The following CLVS1 variants were observed in gnomAD, a reference collection of about 807,000 sequenced individuals.
CLVS1 encodes the protein clavesin-1.
CLVS1 carries 10 observed loss-of-function variants against 33.1 expected under a neutral mutation model. The observed-to-expected ratio is 0.30, with a 90% CI of 0.19 to 0.51. The LOEUF is 0.51. Among genes scored for constraint, CLVS1 ranks in the 20% least tolerant of loss-of-function variants. The pLI is 0.97. For synonymous variants in CLVS1, 163 were observed against 166.1 expected (o/e 0.98, Z 0.14); for missense variants, 343 against 433.4 (o/e 0.79, Z 1.85).
chr8:61,267,952 T>C (rs1055871467), intron 2 of CLVS1, among the ~76,000 whole-genome samples: 1 of 152,122 alleles, frequency 6.6e-6, no homozygotes, highest in African/African-American at 2.4e-5. Flanking sequence ...GATGGATCGA[T>C]CAGAGGAGGA....
intron 3 of CLVS1, among the ~76,000 whole-genome samples, chr8:61,413,686 C>G (rs1026895409): frequency 1.3e-5 from 2 of 152,134 alleles, no homozygotes; most frequent in African/African-American, 4.8e-5. Flanking sequence ...GCTTCAATTC[C>G]TTGTATGGCT....
At chr8:61,464,342 C>T (rs928472679) in intron 5 of CLVS1, among the ~76,000 whole-genome samples, 6 of 152,120 alleles carry the variant, frequency 3.9e-5, no homozygotes, top group Non-Finnish European at 5.9e-5. Flanking sequence ...AAAACCCATC[C>T]GTGGTACACT....
intron 3 of CLVS1, among the ~76,000 whole-genome samples, chr8:61,435,625 T>TAAAA (rs35113828): frequency 7.4e-6 from 1 of 135,040 alleles, no homozygotes; most frequent in Non-Finnish European, 1.6e-5. Context: ...ATTGTGATAG[T>TAAAA]AAAAAAAAAA....
intron 2 of CLVS1, among the ~76,000 whole-genome samples, chr8:61,169,018 A>G (rs1047400119): frequency 6.6e-6 from 1 of 152,248 alleles, no homozygotes; most frequent in African/African-American, 2.4e-5. Context: ...AGCCTTGACG[A>G]AAGTCCTACT....
At chr8:61,092,699 C>G (rs780944680) in intron 1 of CLVS1, among the ~76,000 whole-genome samples, 7 of 152,180 alleles carry the variant, frequency 4.6e-5, no homozygotes, top group Admixed American at 2.0e-4. Context: ...CTTCTGACTC[C>G]TCTTCTACAT....
intron 3 of CLVS1, among the ~76,000 whole-genome samples, chr8:61,416,063 A>C (rs1815417963): frequency 6.6e-6 from 1 of 152,164 alleles, no homozygotes; most frequent in Non-Finnish European, 1.5e-5. Flanking sequence ...CTTGGACTAG[A>C]GCTAAGAGGA....
chr8:61,402,818 C>T (rs1814821772), intron 3 of CLVS1, among the ~76,000 whole-genome samples: 1 of 152,158 alleles, frequency 6.6e-6, no homozygotes, highest in African/African-American at 2.4e-5. Context: ...TCTATCCTAG[C>T]AGTGCTGTGA....
At chr8:61,228,026 A>G (rs1808364838) in intron 2 of CLVS1, among the ~76,000 whole-genome samples, 1 of 152,186 alleles carries the variant, frequency 6.6e-6, no homozygotes, top group East Asian at 1.9e-4. Flanking sequence ...GTGCCCTTAG[A>G]AAGTGGAGTC....
At chr8:61,036,900 A>C in the CLVS1 span, among the ~76,000 whole-genome samples, 2 of 152,224 alleles carry the variant, frequency 1.3e-5, no homozygotes, top group Non-Finnish European at 2.9e-5. Context: ...CCAGCCATCC[A>C]TTCGAGGAGT....
chr8:61,237,922 T>C (rs568872448), intron 2 of CLVS1, among the ~76,000 whole-genome samples: 1 of 152,222 alleles, frequency 6.6e-6, no homozygotes, highest in Admixed American at 6.5e-5. Context: ...ATCCAGGTGC[T>C]CCCATAAGAG....
intron 5 of CLVS1, among the ~76,000 whole-genome samples, chr8:61,484,675 G>A (rs1478482244): frequency 3.0e-4 from 46 of 152,102 alleles, no homozygotes; most frequent in South Asian, 4.1e-4. Context: ...GAGGCATCAC[G>A]CTACCTGACT....
chr8:61,243,709 T>A (rs2129314676), intron 2 of CLVS1, among the ~76,000 whole-genome samples: 2 of 152,328 alleles, frequency 1.3e-5, no homozygotes, highest in Middle Eastern at 6.8e-3. Flanking sequence ...TTGATATTAT[T>A]TAAGGCTTCT....
chr8:61,131,122 C>A (rs1025066772), intron 1 of CLVS1, among the ~76,000 whole-genome samples: 5 of 152,306 alleles, frequency 3.3e-5, no homozygotes, highest in Admixed American at 2.6e-4. Context: ...CTAATGTGAG[C>A]CTCTTACCAG....
intron 1 of CLVS1, among the ~76,000 whole-genome samples, chr8:61,079,682 A>T: frequency 6.6e-6 from 1 of 152,214 alleles, no homozygotes; most frequent in East Asian, 1.9e-4. Flanking sequence ...TGTTTGAGTT[A>T]CAAAAGCTGA....
chr8:61,367,924 C>T (rs1290474200), intron 2 of CLVS1, among the ~76,000 whole-genome samples: 1 of 152,188 alleles, frequency 6.6e-6, no homozygotes, highest in Admixed American at 6.5e-5. Context: ...ACAAATGCCT[C>T]CTGACTCCTT....
chr8:61,461,570 T>A (rs1449083369), intron 5 of CLVS1, among the ~76,000 whole-genome samples: 1 of 152,352 alleles, frequency 6.6e-6, no homozygotes, highest in African/African-American at 2.4e-5. Context: ...AGACCCCTCA[T>A]AGACCATGTG....
At chr8:61,265,917 TC>T (rs1809293852) in intron 2 of CLVS1, among the ~76,000 whole-genome samples, 1 of 152,168 alleles carries the variant, frequency 6.6e-6, no homozygotes, top group Non-Finnish European at 1.5e-5. Flanking sequence ...CAAGAGATCT[TC>T]CTGTGTCTCC....
the CLVS1 span, among the ~76,000 whole-genome samples, chr8:61,034,085 C>T: frequency 1.3e-5 from 2 of 152,148 alleles, no homozygotes; most frequent in Admixed American, 1.3e-4. Flanking sequence ...GCCAGGGTCA[C>T]CTCAATTTTC....
the CLVS1 span, among the ~76,000 whole-genome samples, chr8:60,990,081 C>T: frequency 3.6e-5 from 5 of 136,994 alleles, no homozygotes; most frequent in Non-Finnish European, 7.6e-5. Context: ...GCCGAGATCG[C>T]GTCACTGCTC....
Sources: gnomAD v4.1 joint callset for allele counts (sites outside exome capture counted in the v4.1 genomes callset) on GRCh38, gnomAD v4.1.1 for gene constraint, MANE v1.5 for transcripts, NCBI Gene and HGNC (gene_info 2026-07-23, HGNC 2026-07-21) for gene names.